CAMKMT: variants seen among roughly 807,000 people sequenced by gnomAD.
CAMKMT encodes the protein calmodulin-lysine N-methyltransferase, also known as CaM KMT.
A neutral mutation model predicts 48.0 loss-of-function variants in CAMKMT; 53 were observed. That is an observed-to-expected ratio of 1.10 (90% CI 0.89 to 1.39). The LOEUF (loss-of-function observed/expected upper bound fraction) is 1.39, where lower values mean the gene tolerates loss of function less well. Ranked by LOEUF, CAMKMT falls within the 40% of genes most tolerant of loss-of-function variation. The pLI is 0.00. For missense variants in CAMKMT, 428 were observed against 402.7 expected (o/e 1.06, Z -0.54); for synonymous variants, 165 against 152.3 (o/e 1.08, Z -0.61).
At chr2:44,518,833 G>T (rs1670960708) in intron 3 of CAMKMT, among the ~76,000 whole-genome samples, 1 of 152,208 alleles carries the variant, frequency 6.6e-6, no homozygotes, top group African/African-American at 2.4e-5. Context: ...TGAGTGGGAA[G>T]AATGTCTTAG....
At chr2:44,594,031 G>A (rs917405533) in intron 3 of CAMKMT, among the ~76,000 whole-genome samples, 2 of 151,980 alleles carry the variant, frequency 1.3e-5, no homozygotes, top group Admixed American at 6.6e-5. Context: ...CAAAAGTGCT[G>A]GGATTACAGG....
chr2:44,530,657 T>A (rs1572727047), intron 3 of CAMKMT, among the ~76,000 whole-genome samples: 1 of 152,104 alleles, frequency 6.6e-6, no homozygotes, highest in African/African-American at 2.4e-5. Context: ...ATGAGAGACA[T>A]TTTATTTGAT....
intron 3 of CAMKMT, among the ~76,000 whole-genome samples, chr2:44,561,248 A>G (rs1438600709): frequency 6.6e-6 from 1 of 152,126 alleles, no homozygotes; most frequent in African/African-American, 2.4e-5. Flanking sequence ...CAACATTACT[A>G]CGTCTTACCA....
At chr2:44,412,822 T>C (rs935747046) in intron 3 of CAMKMT, among the ~76,000 whole-genome samples, 1 of 151,988 alleles carries the variant, frequency 6.6e-6, no homozygotes, top group African/African-American at 2.4e-5. Context: ...ACGCCTGTAA[T>C]CCCAGCACTT....
In CAMKMT at chr2:44,563,928, A is replaced by G. The variant is rs559780553; in HGVS notation, c.377-140355A>G. ...CTTTGCTATTGTGAATAGTGCCGCA[A>G]TGAACATACATGTGCATATGTCTTT... On this transcript the variant is annotated intron_variant, in intron 3 of 10. Transcript: ENST00000378494. 8.5e-5 allele frequency among the ~76,000 whole-genome samples: 13 copies of G among 152,330 alleles called. No individual in the cohort carries two copies. The South Asian group carries it at 1.2e-3, about 15-fold the overall frequency.
intron 3 of CAMKMT, among the ~76,000 whole-genome samples, chr2:44,483,422 A>G (rs979625765): frequency 6.6e-6 from 1 of 152,140 alleles, no homozygotes; most frequent in Non-Finnish European, 1.5e-5. Flanking sequence ...ATTAGCCTTA[A>G]AGATGTTATC....
chr2:44,532,466 C>A lies in CAMKMT; in HGVS notation c.376+142161C>A, dbSNP rs1378425437. ...TATAGCACTTGAAATACATTTAGAC[C>A]TGTGTCACAGACATTGAGTTCCTAC... On this transcript the variant is annotated intron_variant, in intron 3 of 10. Transcript: ENST00000378494. 2.0e-5 allele frequency among the ~76,000 whole-genome samples: 3 copies of A among 152,136 alleles called. No individual in the cohort carries two copies. The South Asian group carries it at 6.2e-4, about 31-fold the overall frequency.
At chr2:44,443,005 C>A (rs1014492683) in intron 3 of CAMKMT, among the ~76,000 whole-genome samples, 1 of 152,094 alleles carries the variant, frequency 6.6e-6, no homozygotes, top group Admixed American at 6.6e-5. Context: ...ATCTTCTTCC[C>A]GGCAGCACGT....
intron 3 of CAMKMT, among the ~76,000 whole-genome samples, chr2:44,459,530 G>A (rs1667745077): frequency 6.6e-6 from 1 of 152,182 alleles, no homozygotes; most frequent in Non-Finnish European, 1.5e-5. Context: ...CAGCAAAGAT[G>A]TAACTGTTAT....
At chr2:44,516,677 C>G (rs1266481038) in intron 3 of CAMKMT, among the ~76,000 whole-genome samples, 1 of 149,890 alleles carries the variant, frequency 6.7e-6, no homozygotes, top group Non-Finnish European at 1.5e-5. Context: ...TTTTAAAATA[C>G]TTAAAAACAT....
intron 3 of CAMKMT, chr2:44,631,793 G>T: frequency 3.0e-6 from 1 of 334,582 alleles, no homozygotes; most frequent in Non-Finnish European, 5.3e-6. Context: ...CCTCTTTCCT[G>T]TCTTCTTTTG....
chr2:44,613,949 A>T (rs1484283485), intron 3 of CAMKMT, among the ~76,000 whole-genome samples: 1 of 152,228 alleles, frequency 6.6e-6, no homozygotes, highest in Non-Finnish European at 1.5e-5. Context: ...TGATAAGACA[A>T]ATATTAATTA....
intron 3 of CAMKMT, among the ~76,000 whole-genome samples, chr2:44,469,293 G>A (rs896329409): frequency 4.6e-5 from 7 of 151,336 alleles, no homozygotes; most frequent in African/African-American, 1.2e-4. Context: ...TTAAAAATTA[G>A]CTTATTTTTT....
chr2:44,666,222 G>A (rs1217447402), intron 3 of CAMKMT, among the ~76,000 whole-genome samples: 1 of 152,224 alleles, frequency 6.6e-6, no homozygotes, highest in Non-Finnish European at 1.5e-5. Flanking sequence ...TGAATAGGCA[G>A]ATGGAAAGTA....
intron 3 of CAMKMT, among the ~76,000 whole-genome samples, chr2:44,446,924 T>C (rs1350544133): frequency 6.6e-6 from 1 of 152,254 alleles, no homozygotes; most frequent in Non-Finnish European, 1.5e-5. Context: ...ATTTGGGCTT[T>C]TCCTTATTCC....
chr2:44,546,346 G>C (rs17032352), intron 3 of CAMKMT, among the ~76,000 whole-genome samples: 10,783 of 152,216 alleles, frequency 0.071, 421 homozygotes, highest in African/African-American at 0.08. Context: ...GTGGTCACTT[G>C]TGTGATGCAT....
chr2:44,400,928 G>GTATA (rs1244824905), intron 3 of CAMKMT: 796 of 73,866 alleles, frequency 0.011, 3 homozygotes, highest in South Asian at 0.024. Flanking sequence ...ACTTATGTGT[G>GTATA]TGTATATATA....
At chr2:44,738,827 A>T (rs1488962666) in intron 7 of CAMKMT, among the ~76,000 whole-genome samples, 2 of 152,184 alleles carry the variant, frequency 1.3e-5, no homozygotes, top group Non-Finnish European at 2.9e-5. Flanking sequence ...TTTAAAGAGG[A>T]TGGTCAGGGA....
chr2:44,558,527 A>T (rs1474008741), intron 3 of CAMKMT, among the ~76,000 whole-genome samples: 1 of 152,146 alleles, frequency 6.6e-6, no homozygotes, highest in African/African-American at 2.4e-5. Context: ...TCAGAGAGAC[A>T]AATTAATTAA....
Sources: allele counts gnomAD v4.1 joint callset (sites outside exome capture counted in the v4.1 genomes callset), GRCh38; gene constraint gnomAD v4.1.1; transcripts MANE v1.5; gene names NCBI Gene and HGNC (gene_info 2026-07-23, HGNC 2026-07-21).